The following SUCO variants were observed in gnomAD, a reference collection of about 807,000 sequenced individuals.
SUCO encodes the protein SUN domain containing ossification factor.
In SUCO, 57 loss-of-function variants were observed where a neutral mutation model predicts 148.1. The ratio of observed to expected loss-of-function variants is 0.38; its 90% confidence interval spans 0.31 to 0.48. The LOEUF (loss-of-function observed/expected upper bound fraction) is 0.48, where lower values mean the gene tolerates loss of function less well. Ranked by LOEUF, SUCO falls within the 20% of genes least tolerant of loss-of-function variation. The pLI, the probability that SUCO is intolerant of heterozygous loss-of-function variation, is 0.96. For missense variants in SUCO, 1,331 were observed against 1,468.2 expected (o/e 0.91, Z 1.53); for synonymous variants, 470 against 502.7 (o/e 0.93, Z 0.87).
At chr1:172,533,934 G>C (rs1651820207) in intron 1 of SUCO, among the ~76,000 whole-genome samples, 1 of 152,108 alleles carries the variant, frequency 6.6e-6, no homozygotes, top group Admixed American at 6.6e-5. Context: ...AAACGTGAGT[G>C]GTCATGAAGG....
chr1:172,549,316 C>T (rs151275305), intron 1 of SUCO, among the ~76,000 whole-genome samples: 3 of 151,760 alleles, frequency 2.0e-5, no homozygotes, highest in African/African-American at 7.2e-5. Context: ...TTTTATTAGC[C>T]AAGCCTAATA....
intron 6 of SUCO, among the ~76,000 whole-genome samples, chr1:172,564,676 G>A (rs139276992): frequency 4.0e-5 from 6 of 151,380 alleles, no homozygotes; most frequent in African/African-American, 9.7e-5. Flanking sequence ...GGACTAATAC[G>A]TTGTCCTATA....
chr1:172,533,178 C>CG lies in SUCO; in HGVS notation c.-255dup. The CG allele has an allele frequency of 2.7e-6, 4 of 1,478,816 alleles. No individual in the cohort carries two copies. The highest frequency in any genetic ancestry group is 3.6e-6 in the Non-Finnish European group (4 of 1,117,332). The allele number at this position is 1,478,816 out of a possible 1,614,324, so 91.6% of individuals were successfully genotyped here. On this transcript the variant is annotated 5_prime_UTR_variant, in exon 1 of 24. The change abolishes the stop of an existing upstream ORF in the 5' untranslated region. Coordinates refer to ENST00000263688, the MANE Select transcript of SUCO (RefSeq NM_014283.5). ...GGGCGGCAGTGGCGGCTGCAGGAGG[C>CG]GGGCGTGGACGAGCCGGTGGCTGCA...
intron 1 of SUCO, among the ~76,000 whole-genome samples, chr1:172,548,418 G>A (rs1653026160): frequency 6.6e-6 from 1 of 151,642 alleles, no homozygotes; most frequent in Admixed American, 6.6e-5. Context: ...CTCTATTTTA[G>A]CAATGCCTAT....
At position 172,611,512 on chromosome 1, in the gene SUCO, T is replaced by C. The variant is rs1343124878; in HGVS notation, c.*1253T>C. The C allele has an allele frequency of 6.6e-6, 1 of 152,664 alleles. No individual in the cohort carries two copies. 9.5% of individuals were successfully genotyped at this position (152,664 alleles called of 1,614,324 possible). ...TTAGTAGTGATAACTGTTTTTAAAC[T>C]TGCCTAATACCTTTCTTGGGTATTG... On this transcript the variant is annotated 3_prime_UTR_variant, in exon 24 of 24. Coordinates refer to ENST00000263688, the MANE Select transcript of SUCO (RefSeq NM_014283.5).
At chr1:172,594,966 T>C (rs1656982760) in intron 19 of SUCO, among the ~76,000 whole-genome samples, 1 of 152,232 alleles carries the variant, frequency 6.6e-6, no homozygotes, top group Non-Finnish European at 1.5e-5. Flanking sequence ...TGGGTGCTCC[T>C]GTATTGGGTG....
At chr1:172,534,757 G>T (rs1026588397) in intron 1 of SUCO, among the ~76,000 whole-genome samples, 7 of 152,152 alleles carry the variant, frequency 4.6e-5, no homozygotes, top group African/African-American at 1.7e-4. Context: ...ATTTAAATTT[G>T]TAGATACTGA....
At chr1:172,593,618 A>T (rs1286646923) in intron 19 of SUCO, among the ~76,000 whole-genome samples, 2 of 152,164 alleles carry the variant, frequency 1.3e-5, no homozygotes, top group Non-Finnish European at 2.9e-5. Flanking sequence ...CATCCCAGGG[A>T]TGAAGCCAAC....
intron 1 of SUCO, among the ~76,000 whole-genome samples, chr1:172,540,823 A>G (rs982732068): frequency 2.0e-5 from 3 of 152,172 alleles, no homozygotes; most frequent in South Asian, 2.1e-4. Flanking sequence ...GAGAGTTATG[A>G]ATGGAAGAGA....
intron 6 of SUCO, among the ~76,000 whole-genome samples, chr1:172,558,544 T>G (rs1271469717): frequency 6.6e-6 from 1 of 151,466 alleles, no homozygotes; most frequent in African/African-American, 2.5e-5. Context: ...GATCTTTTGT[T>G]CTCTGCTTTC....
At chr1:172,534,007 A>C (rs2149212766) in intron 1 of SUCO, among the ~76,000 whole-genome samples, 1 of 152,268 alleles carries the variant, frequency 6.6e-6, no homozygotes, top group East Asian at 1.9e-4. Context: ...GATCCCAAGT[A>C]CACTCGGGCC....
intron 15 of SUCO, among the ~76,000 whole-genome samples, chr1:172,582,747 G>C (rs1558198847): frequency 6.6e-6 from 1 of 152,088 alleles, no homozygotes; most frequent in Admixed American, 6.5e-5. Context: ...ATTAGGCAGT[G>C]TTCTGTAAAC....
chr1:172,567,891 A>G (rs957993161), intron 6 of SUCO, among the ~76,000 whole-genome samples: 2 of 152,156 alleles, frequency 1.3e-5, no homozygotes, highest in Non-Finnish European at 2.9e-5. Flanking sequence ...GCATGCCCCA[A>G]CCCCCAGGCC....
chr1:172,532,431 A>T (rs769926104), upstream of SUCO: 1 of 1,495,230 alleles, frequency 6.7e-7, no homozygotes, highest in East Asian at 2.3e-5. Context: ...ATTCTTGCTG[A>T]AGAGAAGAAA....
intron 1 of SUCO, among the ~76,000 whole-genome samples, chr1:172,534,820 C>T (rs1194884727): frequency 6.6e-6 from 1 of 152,150 alleles, no homozygotes; most frequent in Admixed American, 6.5e-5. Context: ...TATTTGTAGA[C>T]TGTGTATTTT....
chr1:172,558,244 C>T (rs148380782), intron 6 of SUCO, among the ~76,000 whole-genome samples: 25 of 152,256 alleles, frequency 1.6e-4, no homozygotes, highest in African/African-American at 5.8e-4. Context: ...CAAAATACAA[C>T]CAGACCACCT....
chr1:172,563,880 C>A (rs918343163), intron 6 of SUCO, among the ~76,000 whole-genome samples: 1 of 152,228 alleles, frequency 6.6e-6, no homozygotes, highest in Admixed American at 6.5e-5. Context: ...TTGCGTGGGC[C>A]AGTCCCCGGG....
At chr1:172,576,881 T>G (rs1655484995) in intron 11 of SUCO, 2 of 784,780 alleles carry the variant, frequency 2.5e-6, no homozygotes, top group Non-Finnish European at 3.1e-6. Flanking sequence ...TAATGTTATG[T>G]AAGTTTTTTA....
rs1018334193 is a variant in SUCO, at chr1:172,608,544, A to G, written c.3266-203A>G. On this transcript the variant is annotated intron_variant, in intron 22 of 23. Coordinates refer to ENST00000263688, the MANE Select transcript of SUCO (RefSeq NM_014283.5). ...TGAAGACGACCAGTCAAGCATAGGA[A>G]TCATATCATCTTCCACCTTGCCTCT... The G allele has an allele frequency of 6.9e-6, 4 of 576,002 alleles. No individual in the cohort carries two copies. In the African/African-American group the frequency reaches 7.7e-5, roughly 11 times the overall value. The allele number at this position is 576,002 out of a possible 1,614,324, so 35.7% of individuals were successfully genotyped here.
Sources: allele counts gnomAD v4.1 joint callset (sites outside exome capture counted in the v4.1 genomes callset), GRCh38; gene constraint gnomAD v4.1.1; transcripts MANE v1.5; gene names NCBI Gene and HGNC (gene_info 2026-07-23, HGNC 2026-07-21).